ABCC8: variants seen among roughly 807,000 people sequenced by gnomAD.
ABCC8 encodes the protein ATP-binding cassette sub-family C member 8.
In ABCC8, 137 loss-of-function variants were observed where a neutral mutation model predicts 188.0. The ratio of observed to expected loss-of-function variants is 0.73; its 90% CI spans 0.63 to 0.84. ABCC8 has a LOEUF of 0.84. Among genes scored for constraint, ABCC8 ranks in the 40% least tolerant of loss-of-function variants. The probability of loss-of-function intolerance (pLI) is 0.00; values close to 1 mark genes in which losing one functional copy is unlikely to be tolerated. For synonymous variants in ABCC8, 797 were observed against 846.5 expected (o/e 0.94, Z 1.01); for missense variants, 1,750 against 2,072.7 (o/e 0.84, Z 3.02).
intron 16 of ABCC8, 197 bp from the exon 17 acceptor site, chr11:17,417,159 C>T (rs1166911636): frequency 1.3e-6 from 1 of 765,924 alleles, no homozygotes; most frequent in Admixed American, 6.3e-5. Context: ...GGATGGGTAC[C>T]CTCCAAATAG....
chr11:17,465,496 G>A (rs1016796639), intron 3 of ABCC8: 7 of 152,192 alleles, frequency 4.6e-5, no homozygotes, highest in Non-Finnish European at 1.0e-4. Context: ...TAGGCCCAGA[G>A]GTTTTTTGCA....
Position 17,393,097 on chromosome 11 carries a change from A to G in ABCC8, c.4640T>C (p.Leu1547Pro). The stretch of plus-strand genomic sequence containing the variant: ...GGCACCCCGCTTCAGGACGATCACC[A>G]GGTCTGCACTCAGGATGGTGTGCAC... ...HRVHTILSAD[L>P]VIVLKRGAIL... Residue 1547 changes from leucine to proline, a missense_variant, in exon 39 of 39, where the codon CTG (leucine) becomes CCG (proline). Physicochemically the swap from Leu to Pro is moderately conservative, Grantham distance 98. Transcript: ENST00000389817. 6.3e-7 allele frequency: 1 copy of G among 1,598,222 alleles called. No homozygotes were observed. The highest frequency in any genetic ancestry group is 8.5e-7 in the Non-Finnish European group (1 of 1,169,964).
intron 11 of ABCC8, among the ~76,000 whole-genome samples, chr11:17,431,505 G>A (rs758011718): frequency 6.6e-5 from 10 of 152,190 alleles, no homozygotes; most frequent in East Asian, 1.9e-4. Flanking sequence ...CACTGGCCCC[G>A]GGGGAAATAA....
chr11:17,405,138 G>A (rs777816197), intron 27 of ABCC8, among the ~76,000 whole-genome samples: 23 of 152,206 alleles, frequency 1.5e-4, no homozygotes, highest in Non-Finnish European at 2.9e-4. Context: ...TAGGAATCAA[G>A]ATTTTGTTTT....
chr11:17,397,077 C>T (rs199502011), intron 32 of ABCC8, 31 bp from the exon 33 acceptor site: 45 of 1,614,074 alleles, frequency 2.8e-5, no homozygotes, highest in East Asian at 1.3e-4. Flanking sequence ...AGCCACCAGG[C>T]ATGGGCCACA....
intron 17 of ABCC8, among the ~76,000 whole-genome samples, chr11:17,416,238 T>A (rs4148625): frequency 1.3e-4 from 19 of 152,000 alleles, no homozygotes; most frequent in African/African-American, 4.3e-4. Flanking sequence ...GTATCTCAAG[T>A]GTTTTTTGGA....
chr11:17,432,577 CG>C (rs1050355271), intron 10 of ABCC8, among the ~76,000 whole-genome samples: 5 of 152,188 alleles, frequency 3.3e-5, no homozygotes, highest in African/African-American at 4.8e-5. Flanking sequence ...GTCAGGAGCA[CG>C]TGTTTCTGGG....
intron 11 of ABCC8, 111 bp downstream of exon 11, chr11:17,432,093 A>G: frequency 7.2e-7 from 1 of 1,384,788 alleles, no homozygotes; most frequent in African/African-American, 1.4e-5. Context: ...CTGGCTGTGG[A>G]GCCTGTCTTC....
intron 8 of ABCC8, 138 bp downstream of exon 8, chr11:17,448,378 G>C: frequency 1.3e-6 from 1 of 775,972 alleles, no homozygotes; most frequent in Non-Finnish European, 2.3e-6. Flanking sequence ...GGTACAGCCT[G>C]TGGTATAGCC....
intron 1 of ABCC8, 110 bp from the exon 2 acceptor site, chr11:17,475,137 C>T: frequency 6.7e-7 from 1 of 1,502,856 alleles, no homozygotes; most frequent in Non-Finnish European, 9.0e-7. Flanking sequence ...AGGGTGACAC[C>T]TACACATGAG....
intron 16 of ABCC8, 54 bp from the exon 17 acceptor site, chr11:17,417,016 C>A (rs1955112651): frequency 6.2e-7 from 1 of 1,612,398 alleles, no homozygotes; most frequent in Non-Finnish European, 8.5e-7. Flanking sequence ...ACCCCATTGC[C>A]TTTCCATCAC....
intron 6 of ABCC8, among the ~76,000 whole-genome samples, chr11:17,454,336 C>T (rs1268637820): frequency 1.3e-5 from 2 of 152,226 alleles, no homozygotes; most frequent in Non-Finnish European, 2.9e-5. Context: ...GCCCTCACTG[C>T]TCCCTGGAGC....
At chr11:17,401,697 G>C (rs1403947039) in intron 29 of ABCC8, among the ~76,000 whole-genome samples, 1 of 152,138 alleles carries the variant, frequency 6.6e-6, no homozygotes, top group African/African-American at 2.4e-5. Context: ...GTGTGTCAGG[G>C]GTCTCTGGCC....
At chr11:17,458,621 G>A (rs1026621797) in intron 6 of ABCC8, among the ~76,000 whole-genome samples, 25 of 152,226 alleles carry the variant, frequency 1.6e-4, no homozygotes, top group African/African-American at 6.0e-4. Context: ...TGACACTCCT[G>A]TAGACAAGAG....
chr11:17,403,230 G>C (rs1954337574), intron 28 of ABCC8, among the ~76,000 whole-genome samples: 1 of 152,174 alleles, frequency 6.6e-6, no homozygotes, highest in Non-Finnish European at 1.5e-5. Flanking sequence ...TGAAATGATA[G>C]GTTTCGTCTC....
intron 1 of ABCC8, 102 bp downstream of exon 1, chr11:17,476,527 G>T: frequency 6.9e-7 from 1 of 1,443,362 alleles, no homozygotes; most frequent in Non-Finnish European, 9.4e-7. Context: ...GCGGACGGCG[G>T]TCGCGGGCCG....
chr11:17,434,655 C>T (rs1296320863), intron 10 of ABCC8, among the ~76,000 whole-genome samples: 1 of 152,174 alleles, frequency 6.6e-6, no homozygotes, highest in Admixed American at 6.5e-5. Context: ...TTCTACTGCA[C>T]ATTTTCCCTG....
At chr11:17,466,825 C>T (rs1271877188) in intron 3 of ABCC8, among the ~76,000 whole-genome samples, 1 of 151,920 alleles carries the variant, frequency 6.6e-6, no homozygotes, top group East Asian at 1.9e-4. Context: ...ATTACCACGC[C>T]CAGCTAATTT....
intron 11 of ABCC8, among the ~76,000 whole-genome samples, chr11:17,431,254 C>G (rs1163900851): frequency 6.6e-6 from 1 of 152,190 alleles, no homozygotes; most frequent in Non-Finnish European, 1.5e-5. Flanking sequence ...CGGGTTAGGT[C>G]AGCACGGCCC....
Sources: gnomAD v4.1 joint callset for allele counts (sites outside exome capture counted in the v4.1 genomes callset) on GRCh38, gnomAD v4.1.1 for gene constraint, MANE v1.5 for transcripts, NCBI Gene and HGNC (gene_info 2026-07-23, HGNC 2026-07-21) for gene names.